CXADR: variants seen among roughly 807,000 people sequenced by gnomAD.
CXADR encodes the protein coxsackievirus and adenovirus receptor.
A neutral mutation model predicts 40.3 loss-of-function variants in CXADR; 20 were observed. The ratio of observed to expected loss-of-function variants is 0.50; its 90% CI spans 0.35 to 0.72. CXADR has a LOEUF of 0.72. Among genes scored for constraint, CXADR ranks in the 30% least tolerant of loss-of-function variants. The pLI, the probability that CXADR is intolerant of heterozygous loss-of-function variation, is 0.01. For synonymous variants in CXADR, 150 were observed against 161.3 expected (o/e 0.93, Z 0.53); for missense variants, 332 against 449.1 (o/e 0.74, Z 2.36).
At position 17,569,771 on chromosome 21, in the gene CXADR, T is replaced by A; in HGVS notation, c.*4079T>A. 6 of 985,052 alleles carry A rather than the reference T, an allele frequency of 6.1e-6. No homozygotes were observed. Among genetic ancestry groups the A allele is most frequent in the Non-Finnish European group, 7.2e-6 (6 of 829,614 alleles). 61.0% of individuals were successfully genotyped at this position (985,052 alleles called of 1,614,324 possible). On this transcript the variant is annotated 3_prime_UTR_variant, in exon 7 of 7. Coordinates refer to ENST00000284878, the MANE Select transcript of CXADR (RefSeq NM_001338.5). Reference sequence around the variant, plus strand: ...GGTTTTGGTCATCGAGACTAAAAGCTCCATCAAAACAGAACTTTGTGTTTT... The same window carrying A: ...GGTTTTGGTCATCGAGACTAAAAGCACCATCAAAACAGAACTTTGTGTTTT...
intron 7 of CXADR, among the ~76,000 whole-genome samples, chr21:17,589,149 C>A (rs2061417670): frequency 6.6e-6 from 1 of 151,918 alleles, no homozygotes; most frequent in Admixed American, 6.6e-5. Flanking sequence ...TGAATATTAT[C>A]ATATTATATA....
the CXADR span, among the ~76,000 whole-genome samples, chr21:17,611,275 A>G: frequency 6.6e-6 from 1 of 152,210 alleles, no homozygotes; most frequent in East Asian, 1.9e-4. Context: ...CAAAGCAAAC[A>G]AGGAACCACA....
the CXADR span, among the ~76,000 whole-genome samples, chr21:17,618,922 A>T: frequency 6.6e-6 from 1 of 152,210 alleles, no homozygotes; most frequent in Admixed American, 6.5e-5. Flanking sequence ...GTTAGAGGGC[A>T]TGAAACAACA....
At chr21:17,589,012 AAAGTTT>A (rs536243591) in intron 7 of CXADR, among the ~76,000 whole-genome samples, 152 of 151,988 alleles carry the variant, frequency 1.0e-3, no homozygotes, top group African/African-American at 3.5e-3. Flanking sequence ...TGTTGTTGTT[AAAGTTT>A]ATTTCCAGGT....
downstream of CXADR, among the ~76,000 whole-genome samples, chr21:17,570,479 G>A (rs540141503): frequency 6.6e-6 from 1 of 152,236 alleles, no homozygotes; most frequent in Admixed American, 6.5e-5. Context: ...TTTGGTGTCT[G>A]GTGAGAGCTT....
In CXADR at chr21:17,561,400, A is replaced by T; in HGVS notation, c.757A>T (p.Ile253Phe). Residue 253 changes from isoleucine to phenylalanine, a missense_variant, in exon 6 of 7, where the codon ATT (isoleucine) becomes TTT (phenylalanine). By Grantham distance (21) the Ile-to-Phe change is conservative. This residue lies in a region of CXADR where 150 missense variants were observed against 194.2 expected (regional missense o/e 0.77). Transcript: ENST00000284878. Reference sequence around the variant, plus strand: ...AGGAACTTTGCTTGCTCTAGCGCTCATTGGTCTTATCATCTTTTGCTGTCG... The same window carrying T: ...AGGAACTTTGCTTGCTCTAGCGCTCTTTGGTCTTATCATCTTTTGCTGTCG... ...IIGTLLALAL[I>F]GLIIFCCRKK... is the part of the protein sequence containing the mutation. The T allele has an allele frequency of 6.2e-7, 1 of 1,612,540 alleles. No individual in the cohort carries two copies. The highest frequency in any genetic ancestry group is 1.7e-5 in the Admixed American group (1 of 59,912).
At chr21:17,542,952 A>T (rs1477360992) in intron 1 of CXADR, 1 of 248,524 alleles carries the variant, frequency 4.0e-6, no homozygotes, top group African/African-American at 2.3e-5. Context: ...TCCTCTGTGA[A>T]AAGAGGCCCT....
At chr21:17,582,547 A>T (rs2061368927) in intron 7 of CXADR, among the ~76,000 whole-genome samples, 1 of 152,130 alleles carries the variant, frequency 6.6e-6, no homozygotes, top group Non-Finnish European at 1.5e-5. Flanking sequence ...TCATGTGTTT[A>T]TCTCCTATCT....
At chr21:17,534,073 C>CATATATATAGCTATATATATATATAT (rs2060717461) in intron 1 of CXADR, among the ~76,000 whole-genome samples, 1 of 54,588 alleles carries the variant, frequency 1.8e-5, no homozygotes, top group Non-Finnish European at 3.9e-5. Context: ...TATATATACA[C>CATATATATAGCTATATATATATATAT]ACACACACAT....
chr21:17,631,291 T>C, the CXADR span, among the ~76,000 whole-genome samples: 1 of 152,200 alleles, frequency 6.6e-6, no homozygotes, highest in Non-Finnish European at 1.5e-5. Context: ...TTTATAGTCT[T>C]AGACTATAAA....
At chr21:17,538,310 T>C (rs899058760) in intron 1 of CXADR, among the ~76,000 whole-genome samples, 2 of 152,146 alleles carry the variant, frequency 1.3e-5, no homozygotes, top group African/African-American at 2.4e-5. Flanking sequence ...AGAGGAGGTA[T>C]CTTACACTGT....
chr21:17,541,858 G>A (rs753159598), intron 1 of CXADR, among the ~76,000 whole-genome samples: 1 of 152,066 alleles, frequency 6.6e-6, no homozygotes, highest in South Asian at 2.1e-4. Flanking sequence ...AAATTTGATC[G>A]TTTGATTAAG....
At chr21:17,520,961 T>C (rs1448273184) in intron 1 of CXADR, among the ~76,000 whole-genome samples, 1 of 152,118 alleles carries the variant, frequency 6.6e-6, no homozygotes, top group Admixed American at 6.5e-5. Flanking sequence ...AAATATCTGA[T>C]AGGAAGATTG....
chr21:17,604,910 G>A, the CXADR span: 8 of 1,614,064 alleles, frequency 5.0e-6, no homozygotes, highest in Middle Eastern at 8.2e-4. Flanking sequence ...CCTTTGGCAA[G>A]CCCAGGTCAC....
intron 7 of CXADR, among the ~76,000 whole-genome samples, chr21:17,585,477 G>A (rs1017187485): frequency 6.6e-6 from 1 of 151,948 alleles, no homozygotes; most frequent in Non-Finnish European, 1.5e-5. Flanking sequence ...TATTAATAGT[G>A]GTTTTCGATT....
chr21:17,570,717 A>G (rs966404320), downstream of CXADR, among the ~76,000 whole-genome samples: 4 of 152,170 alleles, frequency 2.6e-5, no homozygotes, highest in African/African-American at 4.8e-5. Flanking sequence ...TAAAATGTAT[A>G]TCAACATGAG....
chr21:17,523,900 C>T (rs564178091), intron 1 of CXADR, among the ~76,000 whole-genome samples: 148 of 151,970 alleles, frequency 9.7e-4, no homozygotes, highest in Non-Finnish European at 1.6e-3. Flanking sequence ...GCTCTGTCGC[C>T]CAGGCTGGAG....
At chr21:17,625,667 T>C in the CXADR span, among the ~76,000 whole-genome samples, 1 of 152,222 alleles carries the variant, frequency 6.6e-6, no homozygotes, top group Non-Finnish European at 1.5e-5. Context: ...GTCTGTAGTT[T>C]TCAAATCACT....
intron 3 of CXADR, among the ~76,000 whole-genome samples, chr21:17,552,570 C>T (rs1467631457): frequency 6.6e-6 from 1 of 151,238 alleles, no homozygotes; most frequent in African/African-American, 2.5e-5. Flanking sequence ...TCTACAAGCA[C>T]TCTTAATCCC....
Sources: gnomAD v4.1 joint callset for allele counts (sites outside exome capture counted in the v4.1 genomes callset) on GRCh38, gnomAD v4.1.1 for gene constraint, gnomAD v4.1.1 regional missense constraint, MANE v1.5 for transcripts, NCBI Gene and HGNC (gene_info 2026-07-23, HGNC 2026-07-21) for gene names.